Variants in RUNX1T1 observed in about 807,000 individuals in gnomAD.
RUNX1T1 encodes RUNX1 partner transcriptional co-repressor 1.
Under a neutral mutation model 62.8 loss-of-function variants are expected in RUNX1T1, and 4 were observed. The ratio of observed to expected loss-of-function variants is 0.06; its 90% CI spans 0.03 to 0.15. The LOEUF is 0.15. Among genes scored for constraint, RUNX1T1 ranks in the 10% least tolerant of loss-of-function variants. The pLI, the probability that RUNX1T1 is intolerant of heterozygous loss-of-function variation, is 1.00. For synonymous variants in RUNX1T1, 291 were observed against 286.0 expected (o/e 1.02, Z -0.18); for missense variants, 508 against 754.3 (o/e 0.67, Z 3.82).
Position 91,959,444 on chromosome 8 carries a change from G to C in RUNX1T1, c.*798C>G, listed in dbSNP as rs796531151. The C allele has an allele frequency of 3.7e-5, 5 of 136,950 alleles. No homozygotes were observed. In the East Asian group the frequency reaches 5.3e-4, roughly 15 times the overall value. 8.5% of individuals were successfully genotyped at this position (136,950 alleles called of 1,614,324 possible). A position where few individuals can be genotyped will look rare whatever the true frequency, so the allele number is the denominator to read the frequency against. On this transcript the variant is annotated 3_prime_UTR_variant, in exon 11 of 11. Coordinates refer to ENST00000396218, the Ensembl canonical transcript of RUNX1T1. ...TGTGTGTGTGTGTGTGTGTGTGTGT[G>C]TGTGTGTGTGTGTGTGTGTGTGTAT...
chr8:91,959,443 T>C (rs1183255480), exon 11 of RUNX1T1: 99 of 114,322 alleles, frequency 8.7e-4, no homozygotes, highest in South Asian at 7.3e-3. Context: ...TGTGTGTGTG[T>C]GTGTGTGTGT....
intron 2 of RUNX1T1, among the ~76,000 whole-genome samples, chr8:92,016,136 C>A (rs1640998681): frequency 6.6e-6 from 1 of 152,126 alleles, no homozygotes; most frequent in Admixed American, 6.5e-5. Flanking sequence ...TAGCTGCAAC[C>A]GATAACATTT....
intron 10 of RUNX1T1, among the ~76,000 whole-genome samples, chr8:91,961,712 A>G (rs1223093515): frequency 2.6e-5 from 4 of 152,198 alleles, no homozygotes; most frequent in Non-Finnish European, 5.9e-5. Flanking sequence ...AAATGTTTAA[A>G]TGTTCCTAGT....
intron 5 of RUNX1T1, among the ~76,000 whole-genome samples, chr8:91,999,861 A>G (rs1819429695): frequency 2.0e-5 from 3 of 152,214 alleles, no homozygotes; most frequent in South Asian, 4.1e-4. Flanking sequence ...AGCAGAAACC[A>G]TCAGCTGGAA....
chr8:91,957,954 C>A (rs1809615627), downstream of RUNX1T1: 1 of 220,480 alleles, frequency 4.5e-6, no homozygotes, highest in Non-Finnish European at 9.1e-6. Context: ...AAAATTAAAA[C>A]CAACTTGTAT....
chr8:91,958,007 A>C, downstream of RUNX1T1: 2 of 219,360 alleles, frequency 9.1e-6, no homozygotes, highest in East Asian at 1.3e-4. Flanking sequence ...TGTTAGATTT[A>C]AGAGACTTAA....
intron 1 of RUNX1T1, among the ~76,000 whole-genome samples, chr8:92,046,534 C>G (rs1829437057): frequency 6.6e-6 from 1 of 152,032 alleles, no homozygotes; most frequent in South Asian, 2.1e-4. Context: ...CCACCAATTT[C>G]TTTATTTTTA....
intron 2 of RUNX1T1, among the ~76,000 whole-genome samples, chr8:92,016,930 T>C (rs1002036574): frequency 1.3e-5 from 2 of 152,116 alleles, no homozygotes; most frequent in Non-Finnish European, 2.9e-5. Flanking sequence ...GAAGTTACAG[T>C]GGTAACAACT....
At chr8:91,988,097 GA>G (rs925887063) in intron 6 of RUNX1T1, among the ~76,000 whole-genome samples, 1 of 152,040 alleles carries the variant, frequency 6.6e-6, no homozygotes, top group Non-Finnish European at 1.5e-5. Context: ...ATAAGACACT[GA>G]ATTTTACTTT....
At chr8:91,959,441 T>TATATATGTGC (rs1554588451) in exon 11 of RUNX1T1, 17 of 118,836 alleles carry the variant, frequency 1.4e-4, no homozygotes, top group South Asian at 1.1e-3. Context: ...TGTGTGTGTG[T>TATATATGTGC]GTGTGTGTGT....
chr8:92,060,541 ATATATATATATATG>A (rs1200409867), intron 1 of RUNX1T1, among the ~76,000 whole-genome samples: 1 of 109,378 alleles, frequency 9.1e-6, no homozygotes, highest in Non-Finnish European at 2.0e-5. Context: ...ATATATATAT[ATATATATATATATG>A]TGTGTGTGTG....
intron 1 of RUNX1T1, among the ~76,000 whole-genome samples, chr8:92,050,913 C>T (rs1830132155): frequency 2.0e-5 from 3 of 152,142 alleles, no homozygotes; most frequent in South Asian, 4.1e-4. Context: ...AAATGGCAAT[C>T]GTTTTCATCT....
intron 1 of RUNX1T1, among the ~76,000 whole-genome samples, chr8:92,077,060 C>A (rs1372269048): frequency 6.6e-6 from 1 of 152,016 alleles, no homozygotes; most frequent in African/African-American, 2.4e-5. Context: ...GACCAAATTA[C>A]TTCCTAGAAA....
chr8:91,996,014 C>G (rs1456190660), intron 5 of RUNX1T1, among the ~76,000 whole-genome samples: 2 of 152,106 alleles, frequency 1.3e-5, no homozygotes, highest in Non-Finnish European at 2.9e-5. Context: ...CGGTTGAACT[C>G]CATATTTGCA....
chr8:92,030,811 T>C (rs1411609843), intron 1 of RUNX1T1, among the ~76,000 whole-genome samples: 1 of 152,144 alleles, frequency 6.6e-6, no homozygotes, highest in African/African-American at 2.4e-5. Flanking sequence ...CCCTTCCTCA[T>C]CTCCTCATCT....
chr8:92,051,682 G>A (rs1333317596), intron 1 of RUNX1T1, among the ~76,000 whole-genome samples: 4 of 151,428 alleles, frequency 2.6e-5, no homozygotes, highest in South Asian at 2.1e-4. Context: ...GTTCAGACGC[G>A]GCTTGGAAGA....
At chr8:92,063,929 A>G (rs1421261374), upstream of RUNX1T1, among the ~76,000 whole-genome samples, 1 of 152,204 alleles carries the variant, frequency 6.6e-6, no homozygotes, top group Non-Finnish European at 1.5e-5. Context: ...CTCAATGAAC[A>G]TGATAGACAG....
intron 10 of RUNX1T1, among the ~76,000 whole-genome samples, chr8:91,964,258 G>A (rs1364768732): frequency 6.6e-6 from 1 of 152,110 alleles, no homozygotes; most frequent in East Asian, 1.9e-4. Context: ...TGTCGTACAG[G>A]CATATATCCC....
downstream of RUNX1T1, chr8:91,958,088 A>T (rs936509619): frequency 2.0e-5 from 3 of 148,518 alleles, no homozygotes; most frequent in Non-Finnish European, 4.5e-5. Flanking sequence ...GCCTACATTT[A>T]ACCCTCCCCC....
Sources: gnomAD v4.1 joint callset for allele counts (sites outside exome capture counted in the v4.1 genomes callset) on GRCh38, gnomAD v4.1.1 for gene constraint, MANE v1.5 for transcripts, NCBI Gene and HGNC (gene_info 2026-07-23, HGNC 2026-07-21) for gene names.